The following FEZ2 variants were observed in gnomAD, a reference collection of about 807,000 sequenced individuals.
FEZ2 encodes the protein fasciculation and elongation protein zeta-2.
FEZ2 carries 51 observed loss-of-function variants against 40.4 expected under a neutral mutation model. That is an observed-to-expected ratio of 1.26 (90% confidence interval 1.01 to 1.59). The LOEUF is 1.59. Among genes scored for constraint, FEZ2 ranks in the 40% most tolerant of loss-of-function variants. FEZ2 has a pLI of 0.00. For missense variants in FEZ2, 640 were observed against 438.3 expected (o/e 1.46, Z -4.11); for synonymous variants, 242 against 172.0 (o/e 1.41, Z -3.18).
intron 2 of FEZ2, chr2:36,589,671 G>C (rs564977431): frequency 1.3e-5 from 2 of 152,334 alleles, no homozygotes; most frequent in South Asian, 2.1e-4. Context: ...AGTCTGCAAA[G>C]CTTAATGGGA....
intron 5 of FEZ2, among the ~76,000 whole-genome samples, chr2:36,571,274 T>C (rs758329707): frequency 6.6e-6 from 1 of 152,250 alleles, no homozygotes; most frequent in Admixed American, 6.5e-5. Context: ...TAGTAATTCT[T>C]AGTAAATGCT....
At chr2:36,553,336 T>C (rs998268586) in intron 7 of FEZ2, among the ~76,000 whole-genome samples, 157 bp from the exon 8 acceptor site, 1 of 152,238 alleles carries the variant, frequency 6.6e-6, no homozygotes, top group Admixed American at 6.5e-5. Flanking sequence ...TTTAAGAGGC[T>C]ATACCCAACA....
At chr2:36,592,829 TAAAATAA>T (rs1444487428) in intron 1 of FEZ2, among the ~76,000 whole-genome samples, 3 of 151,640 alleles carry the variant, frequency 2.0e-5, no homozygotes, top group African/African-American at 7.3e-5. Flanking sequence ...AATATATAAA[TAAAATAA>T]AAAATAAAAT....
At chr2:36,578,960 A>G (rs1479967452) in intron 4 of FEZ2, 95 bp from the exon 5 acceptor site, 1 of 969,920 alleles carries the variant, frequency 1.0e-6, no homozygotes, top group Admixed American at 2.3e-5. Context: ...ATAAACACCT[A>G]TGTAATCAAT....
At position 36,552,860 on chromosome 2, in the gene FEZ2, TACTGTCAGTTAATGAG is replaced by T. The variant is rs1476089431; in HGVS notation, c.*287_*302del. The T allele has an allele frequency of 2.7e-5, 9 of 335,184 alleles. No homozygotes were observed. In the East Asian group the frequency reaches 4.7e-4, roughly 17 times the overall value. 20.8% of individuals were successfully genotyped at this position (335,184 alleles called of 1,614,324 possible). A position where few individuals can be genotyped will look rare whatever the true frequency, so the allele number is the denominator to read the frequency against. Reference sequence around the variant, plus strand: ...AGAAAGCCATAAAAACAAATGGGCATACTGTCAGTTAATGAGAAATACAACTGCACATGCACAATTA... The same window carrying T: ...AGAAAGCCATAAAAACAAATGGGCATAAATACAACTGCACATGCACAATTA... On this transcript the variant is annotated 3_prime_UTR_variant, in exon 8 of 8. Transcript: ENST00000405912.
intron 1 of FEZ2, among the ~76,000 whole-genome samples, chr2:36,594,741 G>T (rs1669164302): frequency 6.6e-6 from 1 of 152,210 alleles, no homozygotes. Flanking sequence ...TACACTAGCA[G>T]GTGAAGACAG....
intron 5 of FEZ2, chr2:36,561,009 A>G (rs1668078766): frequency 2.0e-6 from 1 of 488,100 alleles, no homozygotes; most frequent in African/African-American, 2.0e-5. Context: ...AAGCACATAA[A>G]CCCATGCTCT....
At chr2:36,554,822 ATCT>A (rs1667912827) in intron 7 of FEZ2, among the ~76,000 whole-genome samples, 1 of 152,170 alleles carries the variant, frequency 6.6e-6, no homozygotes, top group Admixed American at 6.5e-5. Flanking sequence ...TGTCTCAGAA[ATCT>A]TCATCTTCCT....
intron 5 of FEZ2, among the ~76,000 whole-genome samples, chr2:36,561,073 T>G (rs1406497711): frequency 1.3e-5 from 2 of 152,266 alleles, no homozygotes; most frequent in Non-Finnish European, 2.9e-5. Context: ...AAAGCAACTG[T>G]TTTTATGCTA....
intron 5 of FEZ2, among the ~76,000 whole-genome samples, chr2:36,576,951 A>G (rs973163437): frequency 6.6e-6 from 1 of 152,242 alleles, no homozygotes; most frequent in African/African-American, 2.4e-5. Flanking sequence ...CCTAAAAGCA[A>G]ATAGGCAGAA....
intron 1 of FEZ2, among the ~76,000 whole-genome samples, chr2:36,593,274 T>A (rs900448512): frequency 1.3e-5 from 2 of 152,060 alleles, no homozygotes; most frequent in Non-Finnish European, 2.9e-5. Context: ...CAGAAACCCC[T>A]GATAAACTCA....
intron 7 of FEZ2, chr2:36,554,303 A>G (rs1341147422): frequency 2.1e-6 from 1 of 471,136 alleles, no homozygotes; most frequent in Non-Finnish European, 4.4e-6. Context: ...ATTTTTCCCC[A>G]GAGGACTCTG....
chr2:36,560,865 G>A (rs563953341), intron 5 of FEZ2: 13 of 1,599,844 alleles, frequency 8.1e-6, no homozygotes, highest in Middle Eastern at 1.7e-4. Flanking sequence ...ATGCTGAAGC[G>A]CTAAAGGCGG....
At chr2:36,562,144 G>A (rs1473243521) in intron 5 of FEZ2, among the ~76,000 whole-genome samples, 2 of 152,154 alleles carry the variant, frequency 1.3e-5, no homozygotes, top group Non-Finnish European at 2.9e-5. Context: ...ATGTTAATGA[G>A]ATTGACAAAA....
chr2:36,584,939 AC>A (rs1034046519), intron 2 of FEZ2, among the ~76,000 whole-genome samples: 2 of 152,054 alleles, frequency 1.3e-5, no homozygotes, highest in Admixed American at 1.3e-4. Context: ...TCCACCTACA[AC>A]CCTATAATGC....
At chr2:36,582,701 T>G (rs982476521) in intron 3 of FEZ2, among the ~76,000 whole-genome samples, 4 of 152,240 alleles carry the variant, frequency 2.6e-5, no homozygotes, top group African/African-American at 9.6e-5. Context: ...CTTGCCATAA[T>G]GTATCTCCTT....
At chr2:36,594,035 G>A (rs1467601112) in intron 1 of FEZ2, among the ~76,000 whole-genome samples, 1 of 151,958 alleles carries the variant, frequency 6.6e-6, no homozygotes, top group Admixed American at 6.5e-5. Context: ...CTCTAGGGCA[G>A]GGGCAAAATG....
chr2:36,592,757 G>C (rs1050440577), intron 1 of FEZ2, among the ~76,000 whole-genome samples: 1 of 152,136 alleles, frequency 6.6e-6, no homozygotes, highest in East Asian at 1.9e-4. Flanking sequence ...CAAGGCTGTA[G>C]TGAGCTATGA....
chr2:36,576,145 A>C (rs1668562398), intron 5 of FEZ2, among the ~76,000 whole-genome samples: 2 of 152,300 alleles, frequency 1.3e-5, no homozygotes, highest in African/African-American at 4.8e-5. Flanking sequence ...AAGCTCCTGG[A>C]ATCTGTTTAT....
Sources: allele counts gnomAD v4.1 joint callset (sites outside exome capture counted in the v4.1 genomes callset), GRCh38; gene constraint gnomAD v4.1.1; transcripts MANE v1.5; gene names NCBI Gene and HGNC (gene_info 2026-07-23, HGNC 2026-07-21).